LHFPL3: variants seen among roughly 807,000 people sequenced by gnomAD.
LHFPL3 encodes LHFPL tetraspan subfamily member 3 protein.
Under a neutral mutation model 19.3 loss-of-function variants are expected in LHFPL3, and 5 were observed. The observed-to-expected ratio is 0.26, with a 90% CI of 0.14 to 0.54. The LOEUF (loss-of-function observed/expected upper bound fraction) is 0.54. Among genes scored for constraint, LHFPL3 ranks in the 20% least tolerant of loss-of-function variants. The pLI, the probability that LHFPL3 is intolerant of heterozygous loss-of-function variation, is 0.94. For synonymous variants in LHFPL3, 133 were observed against 126.2 expected (o/e 1.05, Z -0.36); for missense variants, 249 against 307.4 (o/e 0.81, Z 1.42).
intron 1 of LHFPL3, among the ~76,000 whole-genome samples, chr7:104,420,805 G>T (rs1211361320): frequency 2.0e-5 from 3 of 151,968 alleles, no homozygotes; most frequent in Admixed American, 2.0e-4. Flanking sequence ...CTCGTGATCC[G>T]CCCATCTCGG....
intron 1 of LHFPL3, among the ~76,000 whole-genome samples, chr7:104,542,507 T>C (rs754307037): frequency 2.6e-5 from 4 of 152,108 alleles, no homozygotes; most frequent in Non-Finnish European, 5.9e-5. Flanking sequence ...ACTTCCTAAA[T>C]TAGTCCTATA....
intron 1 of LHFPL3, among the ~76,000 whole-genome samples, chr7:104,565,721 G>GTCTATCTATCTA (rs6150264): frequency 2.1e-5 from 3 of 143,932 alleles, no homozygotes; most frequent in Non-Finnish European, 4.5e-5. Context: ...CTGTCTGTCT[G>GTCTATCTATCTA]TCTATCTATC....
intron 1 of LHFPL3, among the ~76,000 whole-genome samples, chr7:104,450,789 T>A (rs1286032659): frequency 1.3e-5 from 2 of 152,140 alleles, no homozygotes; most frequent in Non-Finnish European, 2.9e-5. Flanking sequence ...TCTAATGTGA[T>A]CTTTAAAATA....
At chr7:104,593,714 T>C (rs867367536) in intron 1 of LHFPL3, among the ~76,000 whole-genome samples, 3 of 152,358 alleles carry the variant, frequency 2.0e-5, no homozygotes, top group African/African-American at 7.2e-5. Context: ...TTTATGAATC[T>C]GGGCACTCCT....
At position 104,866,827 on chromosome 7, in the gene LHFPL3, T is replaced by C. The variant is rs150086109; in HGVS notation, c.683-39360T>C. ...CCAAAACTGCCCACATAGTAGGAAG[T>C]AAAGCACTCCTCAGCAAATGTAAAA... is the stretch of plus-strand genomic sequence containing the variant. On this transcript the variant is annotated intron_variant, in intron 2 of 2. Transcript: ENST00000424859. Among the ~76,000 whole-genome samples, 228 of 152,306 alleles carry C rather than the reference T, an allele frequency of 1.5e-3. 2 individuals carry two copies. Among genetic ancestry groups the C allele is most frequent in the African/African-American group, 5.1e-3 (210 of 41,570 alleles).
At chr7:104,666,462 A>T (rs1242904308) in intron 1 of LHFPL3, among the ~76,000 whole-genome samples, 1 of 148,120 alleles carries the variant, frequency 6.8e-6, no homozygotes. Context: ...TTCACTTAAC[A>T]TAATGACCTT....
At chr7:104,661,779 G>A (rs1487489359) in intron 1 of LHFPL3, among the ~76,000 whole-genome samples, 7 of 152,162 alleles carry the variant, frequency 4.6e-5, no homozygotes, top group Admixed American at 1.3e-4. Flanking sequence ...TGCAACATCA[G>A]CATGAAATAT....
At chr7:104,674,945 T>C (rs1792563892) in intron 1 of LHFPL3, among the ~76,000 whole-genome samples, 2 of 152,358 alleles carry the variant, frequency 1.3e-5, no homozygotes, top group South Asian at 4.1e-4. Flanking sequence ...GAAGTATTCA[T>C]TCAACTATGC....
chr7:104,789,164 G>T (rs774690924), intron 2 of LHFPL3, among the ~76,000 whole-genome samples: 11 of 152,206 alleles, frequency 7.2e-5, no homozygotes, highest in Non-Finnish European at 1.3e-4. Flanking sequence ...CTCCTCACAT[G>T]CTTACCAATA....
chr7:104,458,923 G>T (rs1792604766), intron 1 of LHFPL3, among the ~76,000 whole-genome samples: 2 of 152,302 alleles, frequency 1.3e-5, no homozygotes, highest in South Asian at 4.1e-4. Flanking sequence ...ATTTCCAGCA[G>T]TGCAATAGTG....
chr7:104,446,776 C>G (rs983416959), intron 1 of LHFPL3, among the ~76,000 whole-genome samples: 1 of 152,046 alleles, frequency 6.6e-6, no homozygotes, highest in Non-Finnish European at 1.5e-5. Context: ...CAGGGTTTCA[C>G]TGTGTTAGCC....
chr7:104,711,946 T>A (rs1793306750), intron 1 of LHFPL3, among the ~76,000 whole-genome samples: 1 of 152,216 alleles, frequency 6.6e-6, no homozygotes, highest in African/African-American at 2.4e-5. Flanking sequence ...TGTAACATTA[T>A]GTGGTATACA....
intron 1 of LHFPL3, among the ~76,000 whole-genome samples, chr7:104,494,894 C>A (rs1793429748): frequency 6.6e-6 from 1 of 152,124 alleles, no homozygotes; most frequent in Admixed American, 6.5e-5. Context: ...ACTAGATCCC[C>A]AACAAGACTC....
At chr7:104,472,563 G>A (rs751900543) in intron 1 of LHFPL3, among the ~76,000 whole-genome samples, 20 of 152,242 alleles carry the variant, frequency 1.3e-4, no homozygotes, top group Middle Eastern at 3.4e-3. Flanking sequence ...ATGCAGGAAC[G>A]TGGGTTCCTG....
At chr7:104,380,681 G>T (rs773222489) in intron 1 of LHFPL3, among the ~76,000 whole-genome samples, 1 of 152,150 alleles carries the variant, frequency 6.6e-6, no homozygotes, top group Non-Finnish European at 1.5e-5. Context: ...ATAAGCCTAT[G>T]AATCAACAGC....
chr7:104,584,008 T>C (rs1562941429), intron 1 of LHFPL3, among the ~76,000 whole-genome samples: 1 of 152,114 alleles, frequency 6.6e-6, no homozygotes, highest in Non-Finnish European at 1.5e-5. Context: ...CACATGAACA[T>C]GTATGTTTAT....
intron 1 of LHFPL3, among the ~76,000 whole-genome samples, chr7:104,667,265 G>T (rs1028911766): frequency 2.9e-4 from 15 of 52,050 alleles, no homozygotes; most frequent in African/African-American, 4.7e-4. Context: ...CTGTTTTCTT[G>T]GGGGGGGGAA....
chr7:104,806,334 T>C (rs1001469911), intron 2 of LHFPL3, among the ~76,000 whole-genome samples: 2 of 152,262 alleles, frequency 1.3e-5, no homozygotes, highest in Non-Finnish European at 2.9e-5. Flanking sequence ...AAGATAAAAC[T>C]CAATCTGTTA....
intron 1 of LHFPL3, among the ~76,000 whole-genome samples, chr7:104,429,876 T>C (rs548504678): frequency 4.0e-5 from 6 of 151,678 alleles, no homozygotes; most frequent in African/African-American, 1.2e-4. Flanking sequence ...GAGAGTGATA[T>C]GTGGACATGT....
Sources: gnomAD v4.1 joint callset for allele counts (sites outside exome capture counted in the v4.1 genomes callset) on GRCh38, gnomAD v4.1.1 for gene constraint, MANE v1.5 for transcripts, NCBI Gene and HGNC (gene_info 2026-07-23, HGNC 2026-07-21) for gene names.